FAXC: variants seen among roughly 807,000 people sequenced by gnomAD.
The protein encoded by FAXC is failed axon connections homolog.
A neutral mutation model predicts 41.9 loss-of-function variants in FAXC; 10 were observed. The ratio of observed to expected loss-of-function variants is 0.24; its 90% CI spans 0.15 to 0.41. The LOEUF is 0.41. Ranked by LOEUF, FAXC falls within the 10% of genes least tolerant of loss-of-function variation. The probability of loss-of-function intolerance (pLI) is 1.00; values close to 1 mark genes in which losing one functional copy is unlikely to be tolerated. For synonymous variants in FAXC, 183 were observed against 183.8 expected, an observed-to-expected ratio of 1.00 and a Z score of 0.03; for missense variants, 399 against 510.9, an observed-to-expected ratio of 0.78 and a Z score of 2.11.
At chr6:99,295,257 A>AT (rs1771438143) in intron 4 of FAXC, among the ~76,000 whole-genome samples, 1 of 152,270 alleles carries the variant, frequency 6.6e-6, no homozygotes, top group Non-Finnish European at 1.5e-5. Flanking sequence ...TGTAAAGAAT[A>AT]TAAAAATTCC....
chr6:99,301,564 A>G (rs1771706622), intron 4 of FAXC, among the ~76,000 whole-genome samples: 1 of 152,212 alleles, frequency 6.6e-6, no homozygotes, highest in Non-Finnish European at 1.5e-5. Context: ...TTCTTTCTCA[A>G]AGATCACTGA....
At chr6:99,336,065 T>G (rs1328915787) in intron 2 of FAXC, among the ~76,000 whole-genome samples, 1 of 152,040 alleles carries the variant, frequency 6.6e-6, no homozygotes, top group Non-Finnish European at 1.5e-5. Flanking sequence ...CTAAATGTGG[T>G]CGTATAATTT....
intron 4 of FAXC, among the ~76,000 whole-genome samples, chr6:99,312,350 C>G (rs1772184739): frequency 6.6e-6 from 1 of 152,240 alleles, no homozygotes; most frequent in Non-Finnish European, 1.5e-5. Context: ...AACCTGGTGA[C>G]ACCAATGCAC....
chr6:99,293,147 C>A (rs1771310812), intron 4 of FAXC, among the ~76,000 whole-genome samples: 1 of 152,204 alleles, frequency 6.6e-6, no homozygotes, highest in South Asian at 2.1e-4. Context: ...TTTCAAACAC[C>A]TTCCATGGCT....
At chr6:99,295,526 T>C (rs1453210636) in intron 4 of FAXC, among the ~76,000 whole-genome samples, 1 of 152,152 alleles carries the variant, frequency 6.6e-6, no homozygotes, top group Non-Finnish European at 1.5e-5. Flanking sequence ...CGACGACAGA[T>C]TTCCTTCTGC....
chr6:99,316,065 C>A (rs1772337627), intron 4 of FAXC, among the ~76,000 whole-genome samples: 3 of 152,148 alleles, frequency 2.0e-5, no homozygotes, highest in Admixed American at 2.0e-4. Flanking sequence ...ATCATCAAAT[C>A]CAGCCACCTA....
intron 2 of FAXC, 90 bp from the exon 3 acceptor site, chr6:99,333,637 G>A: frequency 1.8e-6 from 2 of 1,104,158 alleles, no homozygotes; most frequent in Non-Finnish European, 2.6e-6. Context: ...CCAACCTTAT[G>A]TTTGATAGTG....
At chr6:99,344,518 T>G (rs978592920) in intron 1 of FAXC, among the ~76,000 whole-genome samples, 1 of 152,064 alleles carries the variant, frequency 6.6e-6, no homozygotes, top group African/African-American at 2.4e-5. Flanking sequence ...ACAAACTCTC[T>G]TGAAAAGTTT....
rs78947582 is a variant in FAXC at position 99,307,904 on chromosome 6, G to C, written c.823+15540C>G. Reference sequence around the variant, plus strand: ...TCCCTCAAACATCAGAGACAACGCTGTGAAATATAAATAGATCAAATGACA... The same window carrying C: ...TCCCTCAAACATCAGAGACAACGCTCTGAAATATAAATAGATCAAATGACA... On this transcript the variant is annotated intron_variant, in intron 4 of 5. Transcript: ENST00000389677. Among the ~76,000 whole-genome samples, 581 of 152,180 alleles carry C rather than the reference G, an allele frequency of 3.8e-3. 6 individuals carry two copies. The highest frequency in any genetic ancestry group is 0.014 in the African/African-American group (563 of 41,512).
intron 3 of FAXC, 64 bp downstream of exon 3, chr6:99,333,287 T>A (rs1263113973): frequency 1.4e-6 from 2 of 1,383,042 alleles, no homozygotes; most frequent in Non-Finnish European, 2.0e-6. Context: ...AAAGAGGATC[T>A]GAAAAGTGAA....
chr6:99,293,854 A>C (rs1240684419), intron 4 of FAXC, among the ~76,000 whole-genome samples: 1 of 151,982 alleles, frequency 6.6e-6, no homozygotes, highest in African/African-American at 2.4e-5. Context: ...TACATGCTGT[A>C]CTCTAGGAAT....
At chr6:99,290,250 C>T (rs758454970) in intron 5 of FAXC, among the ~76,000 whole-genome samples, 1 of 152,026 alleles carries the variant, frequency 6.6e-6, no homozygotes, top group Non-Finnish European at 1.5e-5. Flanking sequence ...ACCCACCCCA[C>T]ACATATATGT....
intron 4 of FAXC, among the ~76,000 whole-genome samples, chr6:99,312,330 A>G (rs549564008): frequency 2.6e-4 from 39 of 152,352 alleles, no homozygotes; most frequent in African/African-American, 9.4e-4. Context: ...GCCTCGGTCC[A>G]CTGAACTCCA....
chr6:99,344,107 A>G (rs1030042088), intron 1 of FAXC, among the ~76,000 whole-genome samples: 10 of 152,106 alleles, frequency 6.6e-5, no homozygotes, highest in Admixed American at 5.2e-4. Flanking sequence ...CACCATCTTC[A>G]CCTGAAGAGT....
At chr6:99,293,515 G>T (rs146158179) in intron 4 of FAXC, among the ~76,000 whole-genome samples, 286 of 152,234 alleles carry the variant, frequency 1.9e-3, no homozygotes, top group African/African-American at 6.5e-3. Flanking sequence ...AACCTTATAG[G>T]ACTTTAAGGC....
rs1338536168 is a variant in FAXC, at chr6:99,313,123, T to A, written c.823+10321A>T. On this transcript the variant is annotated intron_variant, in intron 4 of 5. Coordinates refer to ENST00000389677, the MANE Select transcript of FAXC (RefSeq NM_032511.4). ...GCCTGGGCAACATGGCAAAACCTCATCGCTACAAAAAATACAAAAATTAGC... is the reference window on the plus strand; with the variant it reads ...GCCTGGGCAACATGGCAAAACCTCAACGCTACAAAAAATACAAAAATTAGC... 2.0e-5 allele frequency among the ~76,000 whole-genome samples: 3 copies of A among 152,074 alleles called. No homozygotes were observed. In the East Asian group the frequency reaches 5.8e-4, roughly 29 times the overall value.
chr6:99,285,366 T>C (rs1208146996), intron 5 of FAXC, among the ~76,000 whole-genome samples: 2 of 152,150 alleles, frequency 1.3e-5, no homozygotes, highest in South Asian at 2.1e-4. Flanking sequence ...CTATAGAATA[T>C]TGTGAAGCTG....
chr6:99,326,856 G>C (rs551319690), intron 3 of FAXC, among the ~76,000 whole-genome samples: 4 of 152,274 alleles, frequency 2.6e-5, no homozygotes, highest in South Asian at 2.1e-4. Context: ...CATGGGAAAT[G>C]GGGGCACGCA....
chr6:99,289,055 A>G (rs1054087791), intron 5 of FAXC, among the ~76,000 whole-genome samples: 4 of 152,074 alleles, frequency 2.6e-5, no homozygotes, highest in Admixed American at 6.6e-5. Flanking sequence ...CCATCCAGCT[A>G]TCCATCCGAC....
Sources: gnomAD v4.1 joint callset for allele counts (sites outside exome capture counted in the v4.1 genomes callset) on GRCh38, gnomAD v4.1.1 for gene constraint, MANE v1.5 for transcripts, NCBI Gene and HGNC (gene_info 2026-07-23, HGNC 2026-07-21) for gene names.